Variants in SUFU observed in about 807,000 individuals in gnomAD.
SUFU encodes the protein SUFU negative regulator of hedgehog signaling, also known as suppressor of fused homolog.
In SUFU, 7 loss-of-function variants were observed where a neutral mutation model predicts 58.9. That is an observed-to-expected ratio of 0.12 (90% CI 0.07 to 0.22). The LOEUF is 0.22. Among genes scored for constraint, SUFU ranks in the 10% least tolerant of loss-of-function variants. SUFU has a pLI of 1.00. For missense variants in SUFU, 451 were observed against 641.3 expected, an observed-to-expected ratio of 0.70 and a Z score of 3.20; for synonymous variants, 232 against 254.8, an observed-to-expected ratio of 0.91 and a Z score of 0.85.
At chr10:102,613,110 C>T (rs2063643282) in intron 8 of SUFU, among the ~76,000 whole-genome samples, 1 of 152,132 alleles carries the variant, frequency 6.6e-6, no homozygotes, top group Admixed American at 6.5e-5. Flanking sequence ...AAGTCTGAGG[C>T]TTCGATCAGA....
Position 102,625,737 on chromosome 10 carries a change from G to A in SUFU, c.1297-1438G>A, listed in dbSNP as rs906742904. On this transcript the variant is annotated intron_variant, in intron 10 of 11. Coordinates refer to ENST00000369902, the MANE Select transcript of SUFU (RefSeq NM_016169.4). This position sits in a 1 kb window ranked among gnomAD's most constrained non-coding sequence, Gnocchi z 4.7. ...CAGTTAGCATGCCCGGTATGATGGCGGCTTTTCTGCTCACTTGGGGGTAGT... is the reference window on the plus strand; with the variant it reads ...CAGTTAGCATGCCCGGTATGATGGCAGCTTTTCTGCTCACTTGGGGGTAGT... Among the ~76,000 whole-genome samples, 3 of 152,140 alleles carry A rather than the reference G, an allele frequency of 2.0e-5. No homozygotes were observed. Among genetic ancestry groups the A allele is most frequent in the Admixed American group, 6.6e-5 (1 of 15,262 alleles).
intron 2 of SUFU, among the ~76,000 whole-genome samples, chr10:102,540,664 T>C (rs1426279197): frequency 6.7e-6 from 1 of 148,708 alleles, no homozygotes; most frequent in Non-Finnish European, 1.5e-5. Context: ...AAATAATAAC[T>C]AACTAACTAA....
At chr10:102,591,786 A>G (rs867618239) in intron 3 of SUFU, among the ~76,000 whole-genome samples, 1 of 152,174 alleles carries the variant, frequency 6.6e-6, no homozygotes, top group African/African-American at 2.4e-5. Flanking sequence ...AGAGCTGGTG[A>G]GAGACTTAGT....
chr10:102,538,092 A>G (rs1211935536), intron 2 of SUFU, among the ~76,000 whole-genome samples: 1 of 152,228 alleles, frequency 6.6e-6, no homozygotes, highest in East Asian at 1.9e-4. Context: ...TAATAGGTGA[A>G]CAGAAAACAT....
intron 3 of SUFU, among the ~76,000 whole-genome samples, chr10:102,583,631 A>G (rs769769679): frequency 3.3e-4 from 51 of 152,316 alleles, no homozygotes; most frequent in Non-Finnish European, 6.0e-4. Flanking sequence ...CATGGCTCCA[A>G]ATCTTTCCAG....
intron 2 of SUFU, among the ~76,000 whole-genome samples, chr10:102,529,431 T>C (rs1204953700): frequency 6.6e-6 from 1 of 152,188 alleles, no homozygotes; most frequent in African/African-American, 2.4e-5. Flanking sequence ...CTGCTGATAT[T>C]TTAAAGGATA....
chr10:102,614,149 A>G (rs1187998820), intron 8 of SUFU, among the ~76,000 whole-genome samples: 2 of 152,188 alleles, frequency 1.3e-5, no homozygotes, highest in East Asian at 3.8e-4. Flanking sequence ...TTGGAGCCGC[A>G]TCTCATGGTG....
chr10:102,570,481 T>G (rs551003773), intron 3 of SUFU, among the ~76,000 whole-genome samples: 1 of 152,166 alleles, frequency 6.6e-6, no homozygotes, highest in Non-Finnish European at 1.5e-5. Context: ...GACTTTGTGA[T>G]CCGCCTGCCT....
chr10:102,524,885 G>T (rs190839825), intron 2 of SUFU, among the ~76,000 whole-genome samples: 1 of 152,100 alleles, frequency 6.6e-6, no homozygotes, highest in Non-Finnish European at 1.5e-5. Context: ...GGGTTTTTCC[G>T]ACTGTTGGAA....
Position 102,619,596 on chromosome 10 carries a change from C to T in SUFU, c.1296+2168C>T. ...TGATCACCGAGGGGTTTCTCAGGCCCTTTCCAAGGAGCCCTGGGAAACCCT... is the reference window on the plus strand; with the variant it reads ...TGATCACCGAGGGGTTTCTCAGGCCTTTTCCAAGGAGCCCTGGGAAACCCT... On this transcript the variant is annotated intron_variant, in intron 10 of 11. Transcript: ENST00000369902. The surrounding 1 kb of genome is among the most constrained non-coding windows in gnomAD (Gnocchi z 4.2). The T allele has an allele frequency of 1.3e-6, 1 of 792,410 alleles. No individual in the cohort carries two copies. The highest frequency in any genetic ancestry group is 1.6e-6 in the Non-Finnish European group (1 of 637,432). 49.1% of individuals were successfully genotyped at this position (792,410 alleles called of 1,614,324 possible).
At position 102,575,383 on chromosome 10, in the gene SUFU, G is replaced by A. The variant is rs139725215; in HGVS notation, c.455-17199G>A. Among the ~76,000 whole-genome samples the A allele has an allele frequency of 4.4e-3, 673 of 152,236 alleles. 4 individuals carry two copies. Among genetic ancestry groups the A allele is most frequent in the Non-Finnish European group, 7.9e-3 (540 of 68,020 alleles). On this transcript the variant is annotated intron_variant, in intron 3 of 11. Coordinates refer to ENST00000369902, the MANE Select transcript of SUFU (RefSeq NM_016169.4). ...TTTATTTCTTACAGTTATGGAGGCT[G>A]AGAAGTCCAAGGTTAAAGGGCCCCA...
At chr10:102,509,024 C>T in intron 1 of SUFU, 145 bp from the exon 2 acceptor site, 1 of 1,138,366 alleles carries the variant, frequency 8.8e-7, no homozygotes, top group Non-Finnish European at 1.3e-6. Context: ...TAGTCTCATT[C>T]TGGAGAGATG....
chr10:102,506,460 C>A (rs2062328582), intron 1 of SUFU, among the ~76,000 whole-genome samples: 1 of 152,034 alleles, frequency 6.6e-6, no homozygotes, highest in South Asian at 2.1e-4. Flanking sequence ...CTTACTGCAA[C>A]CTCTGTCTCC....
At position 102,504,011 on chromosome 10, in the gene SUFU, G is replaced by C. The variant is rs2062285157; in HGVS notation, c.-142G>C. Reference sequence around the variant, plus strand: ...CGACAGCCTGGGCGGACAGTGCGCCGTGCGCAGGCGCGGAGCTAGACCTCG... The same window carrying C: ...CGACAGCCTGGGCGGACAGTGCGCCCTGCGCAGGCGCGGAGCTAGACCTCG... On this transcript the variant is annotated 5_prime_UTR_variant, in exon 1 of 12. Transcript: ENST00000369902. 1.3e-5 allele frequency: 15 copies of C among 1,188,718 alleles called. No individual in the cohort carries two copies. The highest frequency in any genetic ancestry group is 3.2e-5 in the African/African-American group (2 of 61,638). The allele number at this position is 1,188,718 out of a possible 1,614,324, so 73.6% of individuals were successfully genotyped here. A position where few individuals can be genotyped will look rare whatever the true frequency, so the allele number is the denominator to read the frequency against.
At chr10:102,584,768 G>GA (rs1251221541) in intron 3 of SUFU, among the ~76,000 whole-genome samples, 1 of 152,148 alleles carries the variant, frequency 6.6e-6, no homozygotes, top group African/African-American at 2.4e-5. Flanking sequence ...ATTTTAGGGG[G>GA]AAAAATACAG....
chr10:102,504,016 C>T lies in SUFU; in HGVS notation c.-137C>T. 2.5e-6 allele frequency: 3 copies of T among 1,214,944 alleles called. No homozygotes were observed. Among genetic ancestry groups the T allele is most frequent in the African/African-American group, 1.6e-5 (1 of 62,166 alleles). 75.3% of individuals were successfully genotyped at this position (1,214,944 alleles called of 1,614,324 possible). ...GCCTGGGCGGACAGTGCGCCGTGCGCAGGCGCGGAGCTAGACCTCGCTGCA... is the reference window on the plus strand; with the variant it reads ...GCCTGGGCGGACAGTGCGCCGTGCGTAGGCGCGGAGCTAGACCTCGCTGCA... On this transcript the variant is annotated 5_prime_UTR_variant, in exon 1 of 12. Transcript: ENST00000369902.
Position 102,574,796 on chromosome 10 carries a change from C to T in SUFU, c.455-17786C>T, listed in dbSNP as rs549003221. 2.9e-4 allele frequency among the ~76,000 whole-genome samples: 44 copies of T among 152,212 alleles called. 1 individual carries two copies. The South Asian group carries it at 8.5e-3, about 29-fold the overall frequency. ...TTGAAACAGGCCGGGCACAGTGGCT[C>T]CTGTAATCCCAGCACTTTGGGAGGC... On this transcript the variant is annotated intron_variant, in intron 3 of 11. Coordinates refer to ENST00000369902, the MANE Select transcript of SUFU (RefSeq NM_016169.4).
chr10:102,592,168 G>C (rs957874907), intron 3 of SUFU, among the ~76,000 whole-genome samples: 2 of 152,186 alleles, frequency 1.3e-5, no homozygotes, highest in Non-Finnish European at 2.9e-5. Context: ...AAGGTGAAGG[G>C]CTTTCATTGC....
At chr10:102,611,320 G>A (rs2063620217) in intron 8 of SUFU, among the ~76,000 whole-genome samples, 2 of 152,236 alleles carry the variant, frequency 1.3e-5, no homozygotes, top group East Asian at 1.9e-4. Flanking sequence ...TTGCAGGAAG[G>A]CAGCTTGTGC....
Sources: allele counts gnomAD v4.1 joint callset (sites outside exome capture counted in the v4.1 genomes callset), GRCh38; gene constraint gnomAD v4.1.1; non-coding constraint Gnocchi (gnomAD v3.1); transcripts MANE v1.5; gene names NCBI Gene and HGNC (gene_info 2026-07-23, HGNC 2026-07-21).